The following HCN4 variants were observed in gnomAD, a reference collection of about 807,000 sequenced individuals.
HCN4 encodes hyperpolarization activated cyclic nucleotide gated potassium channel 4.
HCN4 carries 29 observed loss-of-function variants against 76.9 expected under a neutral mutation model. That is an observed-to-expected ratio of 0.38 (90% CI 0.28 to 0.51). HCN4 has a LOEUF of 0.51. Among genes scored for constraint, HCN4 ranks in the 20% least tolerant of loss-of-function variants. The pLI is 0.90. For missense variants in HCN4, 1,416 were observed against 1,715.2 expected, an observed-to-expected ratio of 0.83 and a Z score of 3.08; for synonymous variants, 772 against 762.5, an observed-to-expected ratio of 1.01 and a Z score of -0.21.
intron 1 of HCN4, among the ~76,000 whole-genome samples, chr15:73,350,821 T>C (rs1403942183): frequency 6.6e-6 from 1 of 152,020 alleles, no homozygotes; most frequent in Non-Finnish European, 1.5e-5. Flanking sequence ...TCCCATCAGC[T>C]TTTCCTTTTA....
At chr15:73,330,256 A>G (rs1304750777) in intron 3 of HCN4, among the ~76,000 whole-genome samples, 1 of 152,264 alleles carries the variant, frequency 6.6e-6, no homozygotes, top group Non-Finnish European at 1.5e-5. Context: ...GACTGAGCCG[A>G]AAAACACTGT....
Position 73,343,504 on chromosome 15 carries a change from C to A in HCN4, c.1090G>T (p.Asp364Tyr), listed in dbSNP as rs151004999. ...CGGGCAGTCTTGTAGACCTCCGAGT[C>A]GATGCGTGTCTCCACAATGAGGAAG... ...YIFLIVETRIDSEVYKTARAL... is the reference protein window; with the variant it reads ...YIFLIVETRIYSEVYKTARAL... Residue 364 changes from aspartate (D) to tyrosine (Y), a missense_variant, in exon 2 of 8, where the codon GAC becomes TAC. Physicochemically the swap from Asp to Tyr is radical, Grantham distance 160. Coordinates refer to ENST00000261917, the MANE Select transcript of HCN4 (RefSeq NM_005477.3). This position sits in a 1 kb window ranked among gnomAD's most constrained non-coding sequence, Gnocchi z 5.7. 14 of 1,614,038 alleles carry A rather than the reference C, an allele frequency of 8.7e-6. No individual in the cohort carries two copies. Among genetic ancestry groups the A allele is most frequent in the Non-Finnish European group, 9.3e-6 (11 of 1,180,042 alleles).
At chr15:73,364,711 G>C (rs1026890477) in intron 1 of HCN4, among the ~76,000 whole-genome samples, 2 of 152,174 alleles carry the variant, frequency 1.3e-5, no homozygotes, top group African/African-American at 2.4e-5. Flanking sequence ...TTTTCTATTG[G>C]GGGGTGGGAT....
Position 73,322,723 on chromosome 15 carries a change from C to G in HCN4, c.3370G>C (p.Gly1124Arg). 6.4e-7 allele frequency: 1 copy of G among 1,564,664 alleles called. No homozygotes were observed. Residue 1124 changes from glycine to arginine, a missense_variant, in exon 8 of 8, where the codon GGT becomes CGT. Gly to Arg is a moderately radical substitution (Grantham distance 125, BLOSUM62 -2). Around this residue, in one of 6 missense-constraint regions of HCN4, gnomAD observed 633 missense variants for 579.8 expected, o/e 1.09. Coordinates refer to ENST00000261917, the MANE Select transcript of HCN4 (RefSeq NM_005477.3). Reference sequence around the variant, plus strand: ...CTGCTCCCACTGCCCCCGCTGCCACCCCCAGCCCTGGGGAAGAGCGGGAAG... The same window carrying G: ...CTGCTCCCACTGCCCCCGCTGCCACGCCCAGCCCTGGGGAAGAGCGGGAAG... ...AAFPLFPRAG[G>R]GSGGSGSSGG...
intron 1 of HCN4, among the ~76,000 whole-genome samples, chr15:73,365,533 AG>A (rs2043124462): frequency 6.6e-6 from 1 of 152,204 alleles, no homozygotes; most frequent in African/African-American, 2.4e-5. Flanking sequence ...ATTCTGCAGC[AG>A]GGGGACTGCA....
intron 1 of HCN4, among the ~76,000 whole-genome samples, chr15:73,361,331 C>T (rs2043103955): frequency 6.6e-6 from 1 of 152,186 alleles, no homozygotes; most frequent in African/African-American, 2.4e-5. Flanking sequence ...CTGCAGACTT[C>T]TAGGGCCCTG....
chr15:73,360,808 GTC>G (rs1555478494), intron 1 of HCN4, among the ~76,000 whole-genome samples: 1 of 152,218 alleles, frequency 6.6e-6, no homozygotes, highest in Non-Finnish European at 1.5e-5. Context: ...CCTGGCTTTA[GTC>G]TCTGTTGATT....
At chr15:73,329,230 T>C (rs980635476) in intron 4 of HCN4, among the ~76,000 whole-genome samples, 1 of 152,102 alleles carries the variant, frequency 6.6e-6, no homozygotes, top group Non-Finnish European at 1.5e-5. Context: ...AGTGCGGTCC[T>C]GGAGAACGAG....
intron 2 of HCN4, among the ~76,000 whole-genome samples, chr15:73,338,653 T>C (rs1415509281): frequency 6.6e-6 from 1 of 152,160 alleles, no homozygotes; most frequent in Non-Finnish European, 1.5e-5. Flanking sequence ...GGCCAGAAAT[T>C]GGAGGTCTGG....
chr15:73,362,499 C>T (rs898858004), intron 1 of HCN4, among the ~76,000 whole-genome samples: 2 of 152,204 alleles, frequency 1.3e-5, no homozygotes, highest in African/African-American at 4.8e-5. Flanking sequence ...ACAAGATCGC[C>T]GGGTGAGTCG....
At chr15:73,336,584 G>A (rs1030051038) in intron 2 of HCN4, among the ~76,000 whole-genome samples, 11 of 152,178 alleles carry the variant, frequency 7.2e-5, no homozygotes, top group African/African-American at 2.2e-4. Flanking sequence ...AATTGGTGTC[G>A]CTGTTCGTGA....
At chr15:73,345,294 A>G (rs1251054423) in intron 1 of HCN4, among the ~76,000 whole-genome samples, 1 of 152,124 alleles carries the variant, frequency 6.6e-6, no homozygotes, top group Admixed American at 6.5e-5. Flanking sequence ...CTGTGTGGCA[A>G]AGGGCAGTTT....
rs140296560 is a variant in HCN4, at chr15:73,345,903, C to T, written c.786-2095G>A. ...AGGCGGCTGGGAATGCTGACTCGGG[C>T]GGGCCTGCCACTCCAACGGGTTTCT... On this transcript the variant is annotated intron_variant, in intron 1 of 7. Transcript: ENST00000261917. 3.0e-3 allele frequency among the ~76,000 whole-genome samples: 464 copies of T among 152,228 alleles called. 2 individuals are homozygous for T. The highest frequency in any genetic ancestry group is 4.7e-3 in the Non-Finnish European group (322 of 68,010).
At position 73,322,549 on chromosome 15, in the gene HCN4, C is replaced by T. The variant is rs773772247; in HGVS notation, c.3544G>A (p.Ala1182Thr). 6.2e-7 allele frequency: 1 copy of T among 1,606,468 alleles called. No individual in the cohort carries two copies. Among genetic ancestry groups the T allele is most frequent in the South Asian group, 1.1e-5 (1 of 89,632 alleles). The part of the protein sequence containing the change: ...ATSSGGPPLT[A>T]GPQREPGARP... ...GCCCCAGGTTCCCTCTGGGGTCCAGCAGTCAGAGGGGGCCCCCCAGAAGAG... is the reference window on the plus strand; with the variant it reads ...GCCCCAGGTTCCCTCTGGGGTCCAGTAGTCAGAGGGGGCCCCCCAGAAGAG... Residue 1182 changes from alanine to threonine, a missense_variant, in exon 8 of 8, where the codon GCT becomes ACT. Ala to Thr is a moderately conservative substitution (Grantham distance 58). Coordinates refer to ENST00000261917, the MANE Select transcript of HCN4 (RefSeq NM_005477.3).
intron 2 of HCN4, among the ~76,000 whole-genome samples, chr15:73,337,733 C>G (rs1317671993): frequency 1.3e-5 from 2 of 152,072 alleles, no homozygotes; most frequent in Non-Finnish European, 2.9e-5. Flanking sequence ...GAATGGTGGT[C>G]AGCAGGGCTC....
chr15:73,339,029 C>A (rs2042982491), intron 2 of HCN4, among the ~76,000 whole-genome samples: 1 of 152,216 alleles, frequency 6.6e-6, no homozygotes, highest in Non-Finnish European at 1.5e-5. Context: ...CACAGCAGCC[C>A]CAGCTGGCCT....
intron 1 of HCN4, among the ~76,000 whole-genome samples, chr15:73,361,979 G>A (rs1324546809): frequency 3.3e-5 from 5 of 152,184 alleles, no homozygotes; most frequent in African/African-American, 4.8e-5. Context: ...TACTCCCTGC[G>A]CCTTCTCCCC....
chr15:73,350,986 C>T (rs947697392), intron 1 of HCN4, among the ~76,000 whole-genome samples: 3 of 152,116 alleles, frequency 2.0e-5, no homozygotes, highest in Non-Finnish European at 2.9e-5. Flanking sequence ...GCCAAAAGGC[C>T]GAGAAGCGAT....
chr15:73,348,414 ACACATG>A (rs1379361925), intron 1 of HCN4, among the ~76,000 whole-genome samples: 2 of 152,252 alleles, frequency 1.3e-5, no homozygotes, highest in Admixed American at 1.3e-4. Context: ...ACACGCACAC[ACACATG>A]CACACCCACA....
Sources: allele counts gnomAD v4.1 joint callset (sites outside exome capture counted in the v4.1 genomes callset), GRCh38; gene constraint gnomAD v4.1.1; regional missense constraint gnomAD v4.1.1; non-coding constraint Gnocchi (gnomAD v3.1); transcripts MANE v1.5; gene names NCBI Gene and HGNC (gene_info 2026-07-23, HGNC 2026-07-21).